ERC1: variants seen among roughly 807,000 people sequenced by gnomAD.
ERC1 encodes ELKS/RAB6-interacting/CAST family member 1.
In ERC1, 56 loss-of-function variants were observed where a neutral mutation model predicts 132.0. That is an observed-to-expected ratio of 0.42 (90% CI 0.34 to 0.53). The LOEUF (loss-of-function observed/expected upper bound fraction) is 0.53. ERC1 is among the 20% of genes least tolerant of loss of function. The pLI is 0.03. For synonymous variants in ERC1, 478 were observed against 476.1 expected (o/e 1.00, Z -0.05); for missense variants, 1,202 against 1,349.9 (o/e 0.89, Z 1.72).
At chr12:1,075,317 A>G (rs1300763631) in intron 2 of ERC1, among the ~76,000 whole-genome samples, 1 of 152,182 alleles carries the variant, frequency 6.6e-6, no homozygotes, top group African/African-American at 2.4e-5. Context: ...GTTGATTAAC[A>G]CATATTTTGT....
At chr12:1,382,874 T>C (rs992526586) in intron 16 of ERC1, among the ~76,000 whole-genome samples, 3 of 152,214 alleles carry the variant, frequency 2.0e-5, no homozygotes, top group Non-Finnish European at 4.4e-5. Flanking sequence ...TTTTTTTGAA[T>C]CCTTCAAAGA....
At chr12:1,072,723 C>T (rs1284056241) in intron 2 of ERC1, among the ~76,000 whole-genome samples, 4 of 152,258 alleles carry the variant, frequency 2.6e-5, no homozygotes, top group East Asian at 3.9e-4. Flanking sequence ...GACAGAGTCT[C>T]GCACTGTCAC....
At chr12:1,318,361 G>C (rs1041322388) in intron 15 of ERC1, among the ~76,000 whole-genome samples, 1 of 152,166 alleles carries the variant, frequency 6.6e-6, no homozygotes, top group African/African-American at 2.4e-5. Context: ...AAAATGAAAA[G>C]CTCATACAAA....
At chr12:1,172,114 A>G (rs1025675892) in intron 8 of ERC1, among the ~76,000 whole-genome samples, 1 of 152,302 alleles carries the variant, frequency 6.6e-6, no homozygotes, top group African/African-American at 2.4e-5. Context: ...GAACTGTACC[A>G]TGATTACAGA....
At chr12:1,472,654 GA>G (rs61201010) in intron 18 of ERC1, among the ~76,000 whole-genome samples, 22 of 112,936 alleles carry the variant, frequency 1.9e-4, no homozygotes, top group Admixed American at 7.7e-4. Flanking sequence ...TGTCTCAAAA[GA>G]AAAAAAAAAA....
chr12:1,140,973 ATGTG>A (rs1406625287), intron 7 of ERC1, among the ~76,000 whole-genome samples: 1 of 152,182 alleles, frequency 6.6e-6, no homozygotes, highest in Non-Finnish European at 1.5e-5. Flanking sequence ...CACTGAATCT[ATGTG>A]TGGGGTGCTA....
intron 11 of ERC1, among the ~76,000 whole-genome samples, chr12:1,189,537 A>G (rs187181628): frequency 2.6e-5 from 4 of 152,358 alleles, no homozygotes; most frequent in Non-Finnish European, 5.9e-5. Context: ...TGGAGAGATC[A>G]ATAACAACAG....
chr12:1,039,635 C>T lies in ERC1; in HGVS notation c.669+11063C>T, dbSNP rs573060090. On this transcript the variant is annotated intron_variant, in intron 2 of 18. Transcript: ENST00000360905. ...GAACTCTTTTCCCTACGATTAACAA[C>T]GGAAATGGATTAGAAAGTGGAACTA... Among the ~76,000 whole-genome samples, 6 of 152,002 alleles carry T rather than the reference C, an allele frequency of 3.9e-5. No individual in the cohort carries two copies. The South Asian group carries it at 6.2e-4, about 16-fold the overall frequency.
chr12:1,449,413 T>C (rs12318883), intron 18 of ERC1, among the ~76,000 whole-genome samples: 7,930 of 152,186 alleles, frequency 0.052, 230 homozygotes, highest in African/African-American at 0.07. Context: ...CCACGTGTCA[T>C]GGGAGGCACC....
intron 13 of ERC1, 24 bp from the exon 14 acceptor site, chr12:1,263,009 CA>C: frequency 6.2e-7 from 1 of 1,611,842 alleles, no homozygotes; most frequent in Non-Finnish European, 8.5e-7. Flanking sequence ...TAATCCACTT[CA>C]CCTAGTCTTC....
intron 13 of ERC1, among the ~76,000 whole-genome samples, chr12:1,255,260 G>A (rs1445899576): frequency 6.6e-6 from 1 of 152,130 alleles, no homozygotes; most frequent in African/African-American, 2.4e-5. Flanking sequence ...CCATGTCCCT[G>A]CAAAGGACAT....
At chr12:1,226,989 T>C (rs556218609) in intron 12 of ERC1, among the ~76,000 whole-genome samples, 8 of 152,344 alleles carry the variant, frequency 5.3e-5, no homozygotes, top group Admixed American at 3.9e-4. Context: ...CTTTTTGTTT[T>C]ATGGCTGATA....
chr12:1,382,686 T>G (rs956301609), intron 16 of ERC1, among the ~76,000 whole-genome samples: 1 of 152,188 alleles, frequency 6.6e-6, no homozygotes, highest in South Asian at 2.1e-4. Context: ...ATCAACATAT[T>G]TACCTGTAGC....
chr12:1,450,127 GT>G (rs1675632070), intron 18 of ERC1, among the ~76,000 whole-genome samples: 1 of 152,070 alleles, frequency 6.6e-6, no homozygotes, highest in African/African-American at 2.4e-5. Flanking sequence ...CATTGTTACT[GT>G]TTTTGCTTTA....
intron 15 of ERC1, among the ~76,000 whole-genome samples, chr12:1,361,154 T>C (rs1455650183): frequency 7.0e-6 from 1 of 142,934 alleles, no homozygotes; most frequent in Non-Finnish European, 1.5e-5. Context: ...TACTCAAAGA[T>C]AGACCCACGA....
At chr12:1,479,007 G>GAT (rs2094032362) in intron 18 of ERC1, among the ~76,000 whole-genome samples, 1 of 151,988 alleles carries the variant, frequency 6.6e-6, no homozygotes, top group Non-Finnish European at 1.5e-5. Context: ...TTTGTTAATG[G>GAT]CATGAGGTAG....
intron 1 of ERC1, among the ~76,000 whole-genome samples, chr12:1,007,486 C>CTCTCTCTT (rs1472129942): frequency 7.3e-6 from 1 of 136,332 alleles, no homozygotes; most frequent in Admixed American, 7.1e-5. Context: ...CTCTCTCTCT[C>CTCTCTCTT]TCTCTCTTTC....
At chr12:1,224,687 G>T (rs1389384643) in intron 12 of ERC1, among the ~76,000 whole-genome samples, 1 of 150,714 alleles carries the variant, frequency 6.6e-6, no homozygotes, top group East Asian at 1.9e-4. Context: ...TGATAAAAAA[G>T]AAAAAAAAAT....
At chr12:1,080,769 G>GTT (rs2154187754) in intron 2 of ERC1, among the ~76,000 whole-genome samples, 1 of 152,252 alleles carries the variant, frequency 6.6e-6, no homozygotes, top group East Asian at 1.9e-4. Context: ...ATGTGGAACT[G>GTT]TAAGTCCAAT....
Sources: gnomAD v4.1 joint callset for allele counts (sites outside exome capture counted in the v4.1 genomes callset) on GRCh38, gnomAD v4.1.1 for gene constraint, MANE v1.5 for transcripts, NCBI Gene and HGNC (gene_info 2026-07-23, HGNC 2026-07-21) for gene names.